The following PPP1R9A variants were observed in gnomAD, a reference collection of about 807,000 sequenced individuals.
PPP1R9A encodes neurabin-1.
PPP1R9A carries 59 observed loss-of-function variants against 141.9 expected under a neutral mutation model. The observed-to-expected ratio is 0.42, with a 90% CI of 0.34 to 0.52. The LOEUF (loss-of-function observed/expected upper bound fraction) is 0.52, where lower values mean the gene tolerates loss of function less well. PPP1R9A is among the 20% of genes least tolerant of loss of function. PPP1R9A has a pLI of 0.10. For missense variants in PPP1R9A, 1,444 were observed against 1,611.9 expected (o/e 0.90, Z 1.78); for synonymous variants, 500 against 569.7 (o/e 0.88, Z 1.74).
At chr7:95,028,432 C>T (rs1037025378) in intron 2 of PPP1R9A, among the ~76,000 whole-genome samples, 1 of 152,076 alleles carries the variant, frequency 6.6e-6, no homozygotes, top group Non-Finnish European at 1.5e-5. Flanking sequence ...ATTAGAATAG[C>T]AATCTCAAAT....
At chr7:94,954,954 C>A (rs1468099528) in intron 2 of PPP1R9A, among the ~76,000 whole-genome samples, 1 of 151,396 alleles carries the variant, frequency 6.6e-6, no homozygotes, top group Non-Finnish European at 1.5e-5. Context: ...CCTTGTGAAC[C>A]ATTTAGGTCA....
intron 2 of PPP1R9A, among the ~76,000 whole-genome samples, chr7:95,058,041 C>T (rs1811727548): frequency 6.6e-6 from 1 of 152,098 alleles, no homozygotes; most frequent in Non-Finnish European, 1.5e-5. Flanking sequence ...AACATGTATT[C>T]TGAAGTTTGT....
intron 5 of PPP1R9A, among the ~76,000 whole-genome samples, chr7:95,192,504 A>C (rs536342348): frequency 6.6e-6 from 1 of 152,086 alleles, no homozygotes; most frequent in African/African-American, 2.4e-5. Flanking sequence ...TATAGGAGGT[A>C]CTTTTAAATG....
At chr7:95,035,124 A>T (rs1385056391) in intron 2 of PPP1R9A, among the ~76,000 whole-genome samples, 1 of 152,208 alleles carries the variant, frequency 6.6e-6, no homozygotes, top group Non-Finnish European at 1.5e-5. Flanking sequence ...GCATCAAAAG[A>T]CTAATTAATA....
At chr7:95,138,457 T>C (rs1444142952) in intron 4 of PPP1R9A, among the ~76,000 whole-genome samples, 4 of 152,090 alleles carry the variant, frequency 2.6e-5, no homozygotes, top group Non-Finnish European at 5.9e-5. Context: ...CTTTATAAAA[T>C]CATATTAAAC....
chr7:95,186,328 G>A (rs1283249485), intron 5 of PPP1R9A, among the ~76,000 whole-genome samples: 1 of 152,068 alleles, frequency 6.6e-6, no homozygotes, highest in Non-Finnish European at 1.5e-5. Context: ...GTCGATATTG[G>A]TGTACAGCAG....
intron 2 of PPP1R9A, among the ~76,000 whole-genome samples, chr7:95,013,260 T>C (rs929437828): frequency 6.6e-6 from 1 of 152,132 alleles, no homozygotes; most frequent in Non-Finnish European, 1.5e-5. Flanking sequence ...TTTACTGATA[T>C]ATATATGGGA....
chr7:95,055,434 A>G (rs1361661163), intron 2 of PPP1R9A, among the ~76,000 whole-genome samples: 1 of 152,068 alleles, frequency 6.6e-6, no homozygotes, highest in East Asian at 1.9e-4. Flanking sequence ...CCTTGGAAAC[A>G]TCTCCAGTTT....
chr7:95,288,362 T>C (rs1805731426), intron 18 of PPP1R9A, among the ~76,000 whole-genome samples, 174 bp from the exon 19 acceptor site: 1 of 152,192 alleles, frequency 6.6e-6, no homozygotes, highest in African/African-American at 2.4e-5. Flanking sequence ...TCTAAAAACA[T>C]AAAAACATAT....
chr7:95,130,753 G>A (rs568675749), intron 4 of PPP1R9A, among the ~76,000 whole-genome samples: 37 of 152,172 alleles, frequency 2.4e-4, no homozygotes, highest in Non-Finnish European at 4.0e-4. Flanking sequence ...TGTGAGACAT[G>A]GAGTCAAAGG....
chr7:95,214,004 A>C (rs1040305288), intron 7 of PPP1R9A, among the ~76,000 whole-genome samples: 1 of 152,182 alleles, frequency 6.6e-6, no homozygotes, highest in African/African-American at 2.4e-5. Flanking sequence ...CAATCTGTGC[A>C]GTGCAATTTA....
chr7:95,049,293 C>A (rs1032682875), intron 2 of PPP1R9A, among the ~76,000 whole-genome samples: 28 of 152,230 alleles, frequency 1.8e-4, no homozygotes, highest in African/African-American at 2.4e-5. Flanking sequence ...GAAGAAAGGT[C>A]AATTTTTACC....
At chr7:95,029,057 C>T (rs925984082) in intron 2 of PPP1R9A, among the ~76,000 whole-genome samples, 2 of 152,110 alleles carry the variant, frequency 1.3e-5, no homozygotes, top group Non-Finnish European at 2.9e-5. Context: ...GTTTGAAGAG[C>T]TTCATTTAAT....
intron 12 of PPP1R9A, among the ~76,000 whole-genome samples, chr7:95,259,421 A>T (rs1435150482): frequency 2.6e-5 from 4 of 152,110 alleles, no homozygotes; most frequent in Non-Finnish European, 5.9e-5. Context: ...GCTAAAAAAT[A>T]TATATTAGTT....
chr7:94,928,106 T>C (rs1249230796), intron 2 of PPP1R9A, among the ~76,000 whole-genome samples: 2 of 152,154 alleles, frequency 1.3e-5, no homozygotes, highest in Non-Finnish European at 2.9e-5. Context: ...GGAGGACTTC[T>C]CAGAGGAAGT....
chr7:95,012,308 A>T (rs753091318), intron 2 of PPP1R9A, among the ~76,000 whole-genome samples: 9 of 152,114 alleles, frequency 5.9e-5, no homozygotes, highest in Non-Finnish European at 8.8e-5. Context: ...TAGGAGGAAC[A>T]GGGAGGGGAG....
intron 2 of PPP1R9A, among the ~76,000 whole-genome samples, chr7:95,098,051 A>G (rs1248095548): frequency 1.3e-5 from 2 of 152,232 alleles, no homozygotes; most frequent in African/African-American, 4.8e-5. Flanking sequence ...AGGCCTTTCA[A>G]CTGATTCAGT....
At chr7:95,235,136 C>T (rs1466963910) in intron 8 of PPP1R9A, among the ~76,000 whole-genome samples, 1 of 152,056 alleles carries the variant, frequency 6.6e-6, no homozygotes. Context: ...AATCCAAAAG[C>T]AAATGCAACA....
At chr7:95,039,494 G>T (rs1808911076) in intron 2 of PPP1R9A, among the ~76,000 whole-genome samples, 1 of 151,742 alleles carries the variant, frequency 6.6e-6, no homozygotes, top group Non-Finnish European at 1.5e-5. Flanking sequence ...GGAGGCAGAG[G>T]TTGCAGTGAG....
Sources: gnomAD v4.1 joint callset for allele counts (sites outside exome capture counted in the v4.1 genomes callset) on GRCh38, gnomAD v4.1.1 for gene constraint, MANE v1.5 for transcripts, NCBI Gene and HGNC (gene_info 2026-07-23, HGNC 2026-07-21) for gene names.